MFSD8: variants seen among roughly 807,000 people sequenced by gnomAD.
The protein encoded by MFSD8 is major facilitator superfamily domain containing 8.
Under a neutral mutation model 66.4 loss-of-function variants are expected in MFSD8, and 55 were observed. That is an observed-to-expected ratio of 0.83 (90% confidence interval 0.67 to 1.04). The LOEUF (loss-of-function observed/expected upper bound fraction) is 1.04. MFSD8 is among the 50% of genes least tolerant of loss of function. The pLI is 0.00. For synonymous variants in MFSD8, 202 were observed against 212.8 expected (o/e 0.95, Z 0.44); for missense variants, 550 against 627.6 (o/e 0.88, Z 1.32).
intron 1 of MFSD8, among the ~76,000 whole-genome samples, chr4:127,960,871 A>G (rs1382637115): frequency 6.6e-6 from 1 of 152,140 alleles, no homozygotes; most frequent in Non-Finnish European, 1.5e-5. Context: ...ACAAACCTAT[A>G]TTATACTTAT....
At chr4:127,954,080 A>C (rs1269282310) in intron 2 of MFSD8, among the ~76,000 whole-genome samples, 1 of 152,202 alleles carries the variant, frequency 6.6e-6, no homozygotes, top group Admixed American at 6.5e-5. Context: ...TTCCTAAAAC[A>C]GTCCTTTAAA....
intron 4 of MFSD8, 60 bp from the exon 5 acceptor site, chr4:127,942,218 C>T: frequency 7.4e-7 from 1 of 1,344,474 alleles, no homozygotes; most frequent in Admixed American, 1.7e-5. Context: ...TTATAAAATT[C>T]AATCCAATTT....
chr4:127,949,083 C>T (rs1026344914), intron 3 of MFSD8, among the ~76,000 whole-genome samples: 7 of 152,144 alleles, frequency 4.6e-5, no homozygotes, highest in African/African-American at 1.7e-4. Context: ...GGAAACCTTA[C>T]AAGAGCAGTT....
chr4:127,933,171 C>CTTT, intron 7 of MFSD8, 78 bp from the exon 8 acceptor site: 1 of 1,164,296 alleles, frequency 8.6e-7, no homozygotes, highest in Non-Finnish European at 1.3e-6. Context: ...GTAGAAATTA[C>CTTT]ATTGTAGCAA....
intron 3 of MFSD8, among the ~76,000 whole-genome samples, chr4:127,946,871 C>T (rs1358827388): frequency 2.0e-5 from 3 of 151,126 alleles, no homozygotes; most frequent in African/African-American, 7.3e-5. Context: ...GCCAAGATTG[C>T]ATCACTGACC....
chr4:127,927,914 A>G (rs914785360), intron 9 of MFSD8, among the ~76,000 whole-genome samples: 1 of 151,986 alleles, frequency 6.6e-6, no homozygotes, highest in East Asian at 1.9e-4. Context: ...GTGAGATAAG[A>G]TCTCACTATG....
At chr4:127,924,114 T>A (rs769837159) in intron 9 of MFSD8, among the ~76,000 whole-genome samples, 7 of 152,126 alleles carry the variant, frequency 4.6e-5, no homozygotes, top group African/African-American at 1.7e-4. Flanking sequence ...TGTGAATCTA[T>A]CTGGTCCTGG....
intron 3 of MFSD8, among the ~76,000 whole-genome samples, chr4:127,947,663 C>T (rs1204004029): frequency 2.0e-5 from 3 of 149,498 alleles, no homozygotes; most frequent in Non-Finnish European, 3.0e-5. Context: ...GAATAAAAGA[C>T]AGTGAGGAAG....
intron 2 of MFSD8, among the ~76,000 whole-genome samples, chr4:127,956,323 T>C (rs1742854252): frequency 1.3e-5 from 2 of 150,456 alleles, no homozygotes; most frequent in Admixed American, 6.6e-5. Context: ...GCTAACACAG[T>C]GAAACCCCGT....
intron 9 of MFSD8, among the ~76,000 whole-genome samples, chr4:127,925,497 A>C (rs552797830): frequency 6.6e-6 from 1 of 152,374 alleles, no homozygotes; most frequent in African/African-American, 2.4e-5. Flanking sequence ...AAAGCTCATC[A>C]TCACTGGTCA....
At position 127,921,980 on chromosome 4, in the gene MFSD8, A is replaced by T; in HGVS notation, c.999-17T>A. 1 of 1,600,592 alleles carries T rather than the reference A, an allele frequency of 6.2e-7. No homozygotes were observed. Among genetic ancestry groups the T allele is most frequent in the Non-Finnish European group, 8.6e-7 (1 of 1,168,360 alleles). On this transcript the variant is annotated splice_polypyrimidine_tract_variant and intron_variant, in intron 9 of 11. Coordinates refer to ENST00000641686, the MANE Select transcript of MFSD8 (RefSeq NM_001371596.2). ...TCGCCAATCCTGTTAAAGAACAGAAACTCTGTAATTTTAAAATGAAACATT... is the reference window on the plus strand; with the variant it reads ...TCGCCAATCCTGTTAAAGAACAGAATCTCTGTAATTTTAAAATGAAACATT...
intron 1 of MFSD8, among the ~76,000 whole-genome samples, chr4:127,964,388 A>C (rs985722392): frequency 3.3e-5 from 5 of 152,226 alleles, no homozygotes; most frequent in Admixed American, 2.6e-4. Context: ...CCCCGCGGGA[A>C]GGCAGCTAAG....
intron 3 of MFSD8, among the ~76,000 whole-genome samples, chr4:127,946,667 G>A (rs1172965449): frequency 6.6e-6 from 1 of 152,156 alleles, no homozygotes; most frequent in East Asian, 1.9e-4. Flanking sequence ...TGTAATGCCA[G>A]CACTTTGAGA....
At chr4:127,961,887 C>A (rs1201046980) in intron 1 of MFSD8, among the ~76,000 whole-genome samples, 1 of 150,574 alleles carries the variant, frequency 6.6e-6, no homozygotes, top group Non-Finnish European at 1.5e-5. Flanking sequence ...AGTCCACGCA[C>A]TCAAGCTTAT....
At chr4:127,942,181 CCAAAGTAAAAGAAAGTATCA>C in intron 4 of MFSD8, 23 bp from the exon 5 acceptor site, 1 of 1,544,526 alleles carries the variant, frequency 6.5e-7, no homozygotes, top group Non-Finnish European at 8.9e-7. Flanking sequence ...ACACAATAAT[CCAAAGTAAAAGAAAGTATCA>C]TTCAGCTTAT....
chr4:127,920,742 C>A lies in MFSD8; in HGVS notation c.1445G>T (p.Arg482Leu). 1 of 1,614,068 alleles carries A rather than the reference C, an allele frequency of 6.2e-7. No homozygotes were observed. Among genetic ancestry groups the A allele is most frequent in the Non-Finnish European group, 8.5e-7 (1 of 1,180,016 alleles). The change falls in exon 12 of 12, where the codon CGA (arginine) becomes CTA (leucine). Residue 482 changes from arginine (R) to leucine (L), a missense_variant. Coordinates refer to ENST00000641686, the MANE Select transcript of MFSD8 (RefSeq NM_001371596.2). ...TCCACACACCAGGCTGAATGCCCAT[C>A]GTGGTCCCCAGTGAGCATACACTTG... ...ISQVYAHWGPRWAFSLVCGII... is the reference protein window; with the variant it reads ...ISQVYAHWGPLWAFSLVCGII...
intron 8 of MFSD8, 124 bp downstream of exon 8, chr4:127,932,861 T>C: frequency 1.4e-6 from 1 of 735,344 alleles, no homozygotes. Context: ...ATTTTTTACA[T>C]CATGGTAAGA....
chr4:127,941,735 T>G (rs1026780306), intron 5 of MFSD8, among the ~76,000 whole-genome samples: 2 of 152,208 alleles, frequency 1.3e-5, no homozygotes, highest in Non-Finnish European at 2.9e-5. Flanking sequence ...GTGCTGAGAT[T>G]ACAGGTGTGG....
At chr4:127,934,011 G>A (rs1420880165) in intron 7 of MFSD8, among the ~76,000 whole-genome samples, 2 of 152,182 alleles carry the variant, frequency 1.3e-5, no homozygotes, top group African/African-American at 4.8e-5. Flanking sequence ...GGCCAGTGCA[G>A]GTGGATCACC....
Sources: gnomAD v4.1 joint callset for allele counts (sites outside exome capture counted in the v4.1 genomes callset) on GRCh38, gnomAD v4.1.1 for gene constraint, MANE v1.5 for transcripts, NCBI Gene and HGNC (gene_info 2026-07-23, HGNC 2026-07-21) for gene names.